MTARC1: variants seen among roughly 807,000 people sequenced by gnomAD.
The protein encoded by MTARC1 is mitochondrial amidoxime-reducing component 1.
Under a neutral mutation model 33.6 loss-of-function variants are expected in MTARC1, and 24 were observed. That is an observed-to-expected ratio of 0.72 (90% CI 0.52 to 1.01). The LOEUF is 1.01. Among genes scored for constraint, MTARC1 ranks in the 50% least tolerant of loss-of-function variants. The pLI, the probability that MTARC1 is intolerant of heterozygous loss-of-function variation, is 0.00. For missense variants in MTARC1, 417 were observed against 445.7 expected (o/e 0.94, Z 0.58); for synonymous variants, 187 against 189.5 (o/e 0.99, Z 0.11).
rs1279574737 is a variant in MTARC1, at chr1:220,805,073, A to G, written c.775A>G (p.Ile259Val). Residue 259 changes from isoleucine (I) to valine (V), a missense_variant, in exon 5 of 7, where the codon ATT (isoleucine) becomes GTT (valine). Ile to Val is a conservative substitution (Grantham distance 29). Coordinates refer to ENST00000366910, the MANE Select transcript of MTARC1 (RefSeq NM_022746.4). ...YAEDSWDELL[I>V]GDVELKRVMA... ...CTAGGATTCTTGGGATGAGCTTCTT[A>G]TTGGTGACGTGGAACTGAAAAGGGT... The G allele has an allele frequency of 6.2e-7, 1 of 1,614,078 alleles. No homozygotes were observed. The highest frequency in any genetic ancestry group is 1.1e-5 in the South Asian group (1 of 91,068).
Position 220,818,994 on chromosome 1 carries a change from T to G in MTARC1, c.*5576T>G, listed in dbSNP as rs1483069161. On this transcript the variant is annotated 3_prime_UTR_variant, in exon 7 of 7. Coordinates refer to ENST00000366910, the MANE Select transcript of MTARC1 (RefSeq NM_022746.4). ...AGCGCTCACATAGCTACCGCGGATC[T>G]GAGCCCGTATGACTCATTTGCGAGC... 1 of 152,190 alleles carries G rather than the reference T, an allele frequency of 6.6e-6. No individual in the cohort carries two copies. Among genetic ancestry groups the G allele is most frequent in the Non-Finnish European group, 1.5e-5 (1 of 68,042 alleles). The allele number at this position is 152,190 out of a possible 1,614,324, so 9.4% of individuals were successfully genotyped here.
At chr1:220,806,558 C>T (rs1672979051) in intron 6 of MTARC1, among the ~76,000 whole-genome samples, 1 of 152,202 alleles carries the variant, frequency 6.6e-6, no homozygotes, top group African/African-American at 2.4e-5. Flanking sequence ...CACCTCTCAC[C>T]AACCTCATGG....
Position 220,809,555 on chromosome 1 carries a change from G to C in MTARC1, c.888-3737G>C, listed in dbSNP as rs148330548. On this transcript the variant is annotated intron_variant, in intron 6 of 6. Coordinates refer to ENST00000366910, the MANE Select transcript of MTARC1 (RefSeq NM_022746.4). ...GACAGAGTCTTACTCTGTCACCCAG[G>C]CTGGAGCACAGTGGAGCAATCTCAG... Among the ~76,000 whole-genome samples the C allele has an allele frequency of 5.2e-3, 784 of 151,152 alleles. 13 individuals carry two copies. Among genetic ancestry groups the C allele is most frequent in the East Asian group, 0.051 (262 of 5,144 alleles).
chr1:220,805,888 A>G (rs1334982987), intron 6 of MTARC1, among the ~76,000 whole-genome samples: 1 of 152,352 alleles, frequency 6.6e-6, no homozygotes, highest in East Asian at 1.9e-4. Context: ...TTTAAATTGT[A>G]TATAAAGATA....
rs1380705270 is a variant in MTARC1, at chr1:220,796,804, A to C, written c.611A>C (p.Gln204Pro). ...QIADLFRPKD[Q>P]IAYSDTSPFL... Reference sequence around the variant, plus strand: ...GCAGACTTGTTCCGACCCAAGGACCAGGTGAGAGGTTCTGCTGCCTCCATG... The same window carrying C: ...GCAGACTTGTTCCGACCCAAGGACCCGGTGAGAGGTTCTGCTGCCTCCATG... The change falls in exon 3 of 7, where the codon CAG (glutamine) becomes CCG (proline). Residue 204 changes from glutamine (Q) to proline (P), a missense_variant and splice_region_variant. Physicochemically the swap from Gln to Pro is moderately conservative, Grantham distance 76. Coordinates refer to ENST00000366910, the MANE Select transcript of MTARC1 (RefSeq NM_022746.4). The C allele has an allele frequency of 1.9e-6, 3 of 1,603,312 alleles. No homozygotes were observed. The highest frequency in any genetic ancestry group is 2.6e-6 in the Non-Finnish European group (3 of 1,175,052).
chr1:220,796,508 A>C (rs1672621615), intron 2 of MTARC1, 135 bp from the exon 3 acceptor site: 1 of 1,130,142 alleles, frequency 8.8e-7, no homozygotes, highest in Non-Finnish European at 1.2e-6. Flanking sequence ...ACCAGGACTA[A>C]AATTACATCT....
chr1:220,813,508 C>A lies in MTARC1; in HGVS notation c.*90C>A. 1.3e-6 allele frequency: 2 copies of A among 1,506,814 alleles called. No individual in the cohort carries two copies. Among genetic ancestry groups the A allele is most frequent in the Non-Finnish European group, 9.0e-7 (1 of 1,110,004 alleles). 93.3% of individuals were successfully genotyped at this position (1,506,814 alleles called of 1,614,324 possible). On this transcript the variant is annotated 3_prime_UTR_variant, in exon 7 of 7. Coordinates refer to ENST00000366910, the MANE Select transcript of MTARC1 (RefSeq NM_022746.4). ...GAAGCATGGTGTTTCAGAACTGAGA[C>A]CTCTACATTTTCTTTAAATTTGTGA...
Position 220,787,020 on chromosome 1 carries a change from G to A in MTARC1, c.76G>A (p.Ala26Thr), listed in dbSNP as rs986075334. 4.6e-6 allele frequency: 6 copies of A among 1,318,182 alleles called. No individual in the cohort carries two copies. Among genetic ancestry groups the A allele is most frequent in the Admixed American group, 4.2e-5 (1 of 23,980 alleles). 81.7% of individuals were successfully genotyped at this position (1,318,182 alleles called of 1,614,324 possible). The change falls in exon 1 of 7, where the codon GCC (alanine) becomes ACC (threonine). Residue 26 changes from alanine to threonine, a missense_variant. Physicochemically the swap from Ala to Thr is moderately conservative, Grantham distance 58 (BLOSUM62 0). Transcript: ENST00000366910. ...AQSRPGWLGV[A>T]ALGLTAVALG... ...ATCCCGGCCCGGGTGGCTCGGGGTTGCCGCGCTGGGCCTGACCGCGGTGGC... is the reference window on the plus strand; with the variant it reads ...ATCCCGGCCCGGGTGGCTCGGGGTTACCGCGCTGGGCCTGACCGCGGTGGC...
chr1:220,808,148 C>T (rs1165753657), intron 6 of MTARC1, among the ~76,000 whole-genome samples: 2 of 152,168 alleles, frequency 1.3e-5, no homozygotes, highest in African/African-American at 4.8e-5. Context: ...AAGGTTTATG[C>T]TCTTGCAGAA....
At chr1:220,795,535 G>C (rs1571667038) in intron 2 of MTARC1, among the ~76,000 whole-genome samples, 1 of 152,218 alleles carries the variant, frequency 6.6e-6, no homozygotes, top group Non-Finnish European at 1.5e-5. Flanking sequence ...ATTTAAAAAA[G>C]AAACTTTATG....
At chr1:220,797,089 T>A (rs1358075134) in intron 3 of MTARC1, among the ~76,000 whole-genome samples, 2 of 152,260 alleles carry the variant, frequency 1.3e-5, no homozygotes, top group African/African-American at 4.8e-5. Flanking sequence ...TGTCTTTTTT[T>A]CATTCCATTC....
chr1:220,796,366 C>T (rs981296719), intron 2 of MTARC1, among the ~76,000 whole-genome samples: 2 of 152,094 alleles, frequency 1.3e-5, no homozygotes, highest in African/African-American at 2.4e-5. Flanking sequence ...TATATTATTT[C>T]ATTTCATCCT....
At chr1:220,795,600 T>TTA (rs1672585317) in intron 2 of MTARC1, among the ~76,000 whole-genome samples, 1 of 152,192 alleles carries the variant, frequency 6.6e-6, no homozygotes, top group Admixed American at 6.5e-5. Flanking sequence ...CCTATATAAT[T>TTA]TATATATATG....
intron 6 of MTARC1, among the ~76,000 whole-genome samples, chr1:220,811,076 G>A (rs749540297): frequency 1.3e-5 from 2 of 152,188 alleles, no homozygotes; most frequent in African/African-American, 2.4e-5. Flanking sequence ...TGGACTCTTA[G>A]ACTGCAGAGC....
chr1:220,811,107 C>A (rs894327725), intron 6 of MTARC1, among the ~76,000 whole-genome samples: 1 of 152,150 alleles, frequency 6.6e-6, no homozygotes, highest in Admixed American at 6.5e-5. Flanking sequence ...CGGAAACACC[C>A]ATACAAGCAG....
chr1:220,807,203 T>C (rs10863566), intron 6 of MTARC1, among the ~76,000 whole-genome samples: 96,166 of 151,966 alleles, frequency 0.63, 30,844 homozygotes, highest in Non-Finnish European at 0.69. Flanking sequence ...CTGTTCAGAG[T>C]TGAAATGTAC....
chr1:220,801,027 A>G (rs1048901311), intron 4 of MTARC1, among the ~76,000 whole-genome samples: 1 of 152,086 alleles, frequency 6.6e-6, no homozygotes, highest in East Asian at 1.9e-4. Flanking sequence ...ACATCCATCA[A>G]GGTAACCCTG....
intron 1 of MTARC1, among the ~76,000 whole-genome samples, chr1:220,790,557 T>A (rs922007088): frequency 2.1e-4 from 32 of 152,214 alleles, no homozygotes; most frequent in African/African-American, 7.7e-4. Context: ...GGAAAGGGCT[T>A]ATACTAAGCA....
chr1:220,802,636 A>G (rs1223271921), intron 4 of MTARC1, among the ~76,000 whole-genome samples: 4 of 152,066 alleles, frequency 2.6e-5, no homozygotes, highest in African/African-American at 9.7e-5. Flanking sequence ...CTGGCCCCCA[A>G]ACTCCTTCTG....
Sources: gnomAD v4.1 joint callset for allele counts (sites outside exome capture counted in the v4.1 genomes callset) on GRCh38, gnomAD v4.1.1 for gene constraint, MANE v1.5 for transcripts, NCBI Gene and HGNC (gene_info 2026-07-23, HGNC 2026-07-21) for gene names.